TDRD12: variants seen among roughly 807,000 people sequenced by gnomAD.
The protein encoded by TDRD12 is putative ATP-dependent RNA helicase TDRD12.
In TDRD12, 158 loss-of-function variants were observed where a neutral mutation model predicts 133.5. That is an observed-to-expected ratio of 1.18 (90% CI 1.04 to 1.35). The LOEUF is 1.35. Among genes scored for constraint, TDRD12 ranks in the 40% most tolerant of loss-of-function variants. The pLI, the probability that TDRD12 is intolerant of heterozygous loss-of-function variation, is 0.00. For synonymous variants in TDRD12, 460 were observed against 477.9 expected (o/e 0.96, Z 0.49); for missense variants, 1,443 against 1,321.3 (o/e 1.09, Z -1.43).
exon 10 of TDRD12, chr19:32,828,280 G>C (rs1967653223): frequency 6.6e-6 from 1 of 152,156 alleles, no homozygotes; most frequent in African/African-American, 2.4e-5. Flanking sequence ...TTGCTTTTTA[G>C]TGGAAATTCA....
At chr19:32,794,999 C>T (rs942906363) in intron 14 of TDRD12, among the ~76,000 whole-genome samples, 186 bp downstream of exon 14, 1 of 152,174 alleles carries the variant, frequency 6.6e-6, no homozygotes, top group African/African-American at 2.4e-5. Flanking sequence ...CTGATTCTCA[C>T]CTGGAGCCTA....
chr19:32,774,278 C>T (rs891400501), intron 10 of TDRD12, among the ~76,000 whole-genome samples: 4 of 152,122 alleles, frequency 2.6e-5, no homozygotes, highest in Non-Finnish European at 4.4e-5. Flanking sequence ...TTTAAATAGT[C>T]AATTATATTC....
chr19:32,752,500 G>T lies in TDRD12; in HGVS notation c.582+2631G>T, dbSNP rs1416359785. Reference sequence around the variant, plus strand: ...TGGCCCCCTTCTGCATTTTTAATTGGAATTTTATACCAAAGAACCCTCCCT... The same window carrying T: ...TGGCCCCCTTCTGCATTTTTAATTGTAATTTTATACCAAAGAACCCTCCCT... On this transcript the variant is annotated intron_variant, in intron 6 of 27. Transcript: ENST00000444215. Among the ~76,000 whole-genome samples, 2 of 151,810 alleles carry T rather than the reference G, an allele frequency of 1.3e-5. 1 individual carries two copies. The highest frequency in any genetic ancestry group is 1.3e-4 in the Admixed American group (2 of 15,232).
chr19:32,777,352 A>T, intron 11 of TDRD12, 123 bp downstream of exon 11: 1 of 663,960 alleles, frequency 1.5e-6, no homozygotes, highest in Non-Finnish European at 2.4e-6. Context: ...AAATAAATGT[A>T]CAGTATATCT....
chr19:32,752,918 G>T (rs1050241505), intron 6 of TDRD12, among the ~76,000 whole-genome samples: 1 of 149,738 alleles, frequency 6.7e-6, no homozygotes, highest in Admixed American at 6.8e-5. Context: ...TCAACCTCCC[G>T]AGTAGCTGGG....
chr19:32,790,566 C>T, exon 12 of TDRD12: 1 of 1,551,936 alleles, frequency 6.4e-7, no homozygotes, highest in Non-Finnish European at 8.7e-7. Context: ...CCTTTGAGAG[C>T]TGACGGAATC....
chr19:32,745,459 T>C (rs1349258494), intron 4 of TDRD12, among the ~76,000 whole-genome samples: 3 of 152,206 alleles, frequency 2.0e-5, no homozygotes, highest in Non-Finnish European at 2.9e-5. Flanking sequence ...AGACTAGCAA[T>C]TTATACTGCC....
At chr19:32,749,739 T>C (rs777775756) in intron 5 of TDRD12, 45 bp from the exon 6 acceptor site, 6 of 1,391,212 alleles carry the variant, frequency 4.3e-6, no homozygotes, top group Non-Finnish European at 6.0e-6. Flanking sequence ...GTTTCAAATA[T>C]ACTTTTAACA....
At chr19:32,729,843 T>C (rs1456466013) in intron 1 of TDRD12, among the ~76,000 whole-genome samples, 3 of 132,176 alleles carry the variant, frequency 2.3e-5, no homozygotes, top group Non-Finnish European at 1.5e-5. Context: ...CAGGCTGGAG[T>C]GCAGTGGCGC....
At chr19:32,817,288 TCCA>T (rs1238972333) in intron 26 of TDRD12, among the ~76,000 whole-genome samples, 1 of 151,692 alleles carries the variant, frequency 6.6e-6, no homozygotes, top group Non-Finnish European at 1.5e-5. Context: ...AATTCCAGAG[TCCA>T]CCCCCCGCCC....
At chr19:32,794,875 C>T (rs1971179417) in intron 14 of TDRD12, 62 bp downstream of exon 14, 1 of 669,208 alleles carries the variant, frequency 1.5e-6, no homozygotes, top group Non-Finnish European at 2.7e-6. Flanking sequence ...TAAAATTATA[C>T]ACCTCACCTT....
At chr19:32,721,273 G>A (rs1161865683) in intron 1 of TDRD12, among the ~76,000 whole-genome samples, 4 of 152,356 alleles carry the variant, frequency 2.6e-5, no homozygotes, top group African/African-American at 7.2e-5. Flanking sequence ...GAGCAGAGGG[G>A]TGGGTATGGG....
At chr19:32,745,783 T>TG (rs1555764333) in intron 4 of TDRD12, among the ~76,000 whole-genome samples, 1 of 105,022 alleles carries the variant, frequency 9.5e-6, no homozygotes, top group Non-Finnish European at 1.9e-5. Flanking sequence ...GACTGGCTGA[T>TG]GTCATTCTGT....
intron 8 of TDRD12, among the ~76,000 whole-genome samples, chr19:32,767,630 C>T (rs1164030501): frequency 6.6e-6 from 1 of 152,182 alleles, no homozygotes; most frequent in African/African-American, 2.4e-5. Context: ...TGCCGCCATC[C>T]TCCTATTCAA....
rs1214707080 is a variant in TDRD12 at position 32,729,208 on chromosome 19, C to CT, written c.25-2505dup. Among the ~76,000 whole-genome samples, 1,265 of 132,064 alleles carry CT rather than the reference C, an allele frequency of 9.6e-3. 10 individuals carry two copies. The highest frequency in any genetic ancestry group is 0.019 in the African/African-American group (694 of 35,948). 86.6% of individuals were successfully genotyped at this position (132,064 alleles called of 152,430 possible). A position where few individuals can be genotyped will look rare whatever the true frequency, so the allele number is the denominator to read the frequency against. On this transcript the variant is annotated intron_variant, in intron 1 of 27. Transcript: ENST00000444215. ...TTTCTGGTGACTGCTTTTTCTTTTT[C>CT]TTTTTTTTTTTTGTTTTTTTTTTTT...
intron 1 of TDRD12, among the ~76,000 whole-genome samples, chr19:32,729,821 T>C (rs1428955943): frequency 7.2e-6 from 1 of 139,514 alleles, no homozygotes; most frequent in African/African-American, 2.7e-5. Flanking sequence ...GATGGAGTCT[T>C]GCTCTGTCGC....
intron 10 of TDRD12, among the ~76,000 whole-genome samples, chr19:32,776,061 G>A (rs531543032): frequency 9.2e-4 from 140 of 152,286 alleles, no homozygotes; most frequent in East Asian, 1.9e-3. Flanking sequence ...CCTGGGGCCT[G>A]TTCTGCATCT....
intron 1 of TDRD12, among the ~76,000 whole-genome samples, chr19:32,728,621 A>G (rs1968932747): frequency 6.9e-6 from 1 of 145,436 alleles, no homozygotes; most frequent in African/African-American, 2.5e-5. Flanking sequence ...TAGCGAGTAT[A>G]CCCCTTGTGA....
chr19:32,724,857 C>T (rs1968808780), intron 1 of TDRD12, among the ~76,000 whole-genome samples: 1 of 152,162 alleles, frequency 6.6e-6, no homozygotes, highest in Non-Finnish European at 1.5e-5. Context: ...CCCATTTCTC[C>T]ACAGCCTTGC....
Sources: gnomAD v4.1 joint callset for allele counts (sites outside exome capture counted in the v4.1 genomes callset) on GRCh38, gnomAD v4.1.1 for gene constraint, MANE v1.5 for transcripts, NCBI Gene and HGNC (gene_info 2026-07-23, HGNC 2026-07-21) for gene names.